BTC: variants seen among roughly 807,000 people sequenced by gnomAD.
The protein encoded by BTC is betacellulin, also known as probetacellulin.
A neutral mutation model predicts 18.1 loss-of-function variants in BTC; 13 were observed. The observed-to-expected ratio is 0.72, with a 90% confidence interval of 0.47 to 1.14. BTC has a LOEUF of 1.14. Ranked by LOEUF, BTC falls within the 50% of genes most tolerant of loss-of-function variation. The probability of loss-of-function intolerance (pLI) is 0.00; values close to 1 mark genes in which losing one functional copy is unlikely to be tolerated. For synonymous variants in BTC, 83 were observed against 79.4 expected, an observed-to-expected ratio of 1.05 and a Z score of -0.24; for missense variants, 247 against 224.2, an observed-to-expected ratio of 1.10 and a Z score of -0.65.
At chr4:74,773,731 C>A (rs1023042619) in intron 1 of BTC, among the ~76,000 whole-genome samples, 8 of 151,940 alleles carry the variant, frequency 5.3e-5, no homozygotes, top group African/African-American at 1.7e-4. Flanking sequence ...CATGCCTCAG[C>A]CACCCAAGTA....
At chr4:74,758,285 AAG>A (rs1724656731) in intron 2 of BTC, among the ~76,000 whole-genome samples, 1 of 152,236 alleles carries the variant, frequency 6.6e-6, no homozygotes, top group South Asian at 2.1e-4. Flanking sequence ...AACACAAAGC[AAG>A]AGAGAGCTGA....
intron 2 of BTC, among the ~76,000 whole-genome samples, chr4:74,759,470 G>T (rs782779414): frequency 3.9e-5 from 6 of 152,024 alleles, no homozygotes; most frequent in Non-Finnish European, 8.8e-5. Flanking sequence ...GGACCAGGCT[G>T]CAACACAATC....
At chr4:74,776,265 T>C (rs1406575112) in intron 1 of BTC, among the ~76,000 whole-genome samples, 1 of 152,168 alleles carries the variant, frequency 6.6e-6, no homozygotes, top group Non-Finnish European at 1.5e-5. Context: ...TATTTCACAA[T>C]CTGTTGTCTG....
chr4:74,763,844 A>G (rs1290392957), intron 2 of BTC, among the ~76,000 whole-genome samples: 2 of 152,162 alleles, frequency 1.3e-5, no homozygotes, highest in African/African-American at 4.8e-5. Context: ...TAACTAAAAG[A>G]GAAGATTTTG....
At chr4:74,763,729 G>A (rs1451436364) in intron 2 of BTC, among the ~76,000 whole-genome samples, 1 of 152,066 alleles carries the variant, frequency 6.6e-6, no homozygotes. Context: ...CCAGAGATTG[G>A]CTGAAGGATA....
intron 1 of BTC, among the ~76,000 whole-genome samples, chr4:74,778,269 C>A (rs548370181): frequency 6.6e-6 from 1 of 152,088 alleles, no homozygotes; most frequent in Non-Finnish European, 1.5e-5. Flanking sequence ...AATGTATTTG[C>A]TTTCAAAGCA....
intron 5 of BTC, among the ~76,000 whole-genome samples, chr4:74,747,706 A>T (rs925138523): frequency 6.6e-6 from 1 of 152,300 alleles, no homozygotes; most frequent in East Asian, 1.9e-4. Flanking sequence ...CAATATATGT[A>T]GTTATTATTG....
At chr4:74,775,204 T>C (rs1201712934) in intron 1 of BTC, among the ~76,000 whole-genome samples, 1 of 152,190 alleles carries the variant, frequency 6.6e-6, no homozygotes, top group Non-Finnish European at 1.5e-5. Context: ...CTGCAGGTTC[T>C]ATTTTGGGGA....
At chr4:74,752,589 C>A (rs900394164) in intron 3 of BTC, among the ~76,000 whole-genome samples, 1 of 151,784 alleles carries the variant, frequency 6.6e-6, no homozygotes, top group South Asian at 2.1e-4. Context: ...CCATGTTAGC[C>A]AGGATGGTCT....
intron 2 of BTC, among the ~76,000 whole-genome samples, chr4:74,761,866 A>C (rs1553957376): frequency 6.6e-6 from 1 of 152,132 alleles, no homozygotes; most frequent in African/African-American, 2.4e-5. Flanking sequence ...AACCAGAGTA[A>C]TGTCATTAAA....
At chr4:74,791,341 AAAAAAGAAAAAAGAAAAAG>A (rs1725620406) in intron 1 of BTC, among the ~76,000 whole-genome samples, 1 of 141,860 alleles carries the variant, frequency 7.0e-6, no homozygotes, top group African/African-American at 3.0e-5. Context: ...GACTGTCTCA[AAAAAAGAAAAAAGAAAAAG>A]AAAAAGAAAA....
At chr4:74,782,846 T>C (rs1389022221) in intron 1 of BTC, among the ~76,000 whole-genome samples, 1 of 152,222 alleles carries the variant, frequency 6.6e-6, no homozygotes, top group Admixed American at 6.5e-5. Flanking sequence ...ATTTCTCTAA[T>C]GATCGGTGAT....
rs533296969 is a variant in BTC, at chr4:74,785,905, G to A, written c.64+8357C>T. Among the ~76,000 whole-genome samples, 9 of 152,282 alleles carry A rather than the reference G, an allele frequency of 5.9e-5. No homozygotes were observed. The South Asian group carries it at 1.9e-3, about 32-fold the overall frequency. The stretch of plus-strand genomic sequence containing the variant: ...AACCTAGCTCCTGTGTTAGATGAAT[G>A]TTATGTAGATGAAATGAATTATTAT... On this transcript the variant is annotated intron_variant, in intron 1 of 5. Coordinates refer to ENST00000395743, the MANE Select transcript of BTC (RefSeq NM_001729.4).
Position 74,748,053 on chromosome 4 carries a change from T to C in BTC, c.525A>G (p.Thr175=). ...ITPINEDIEE[T]NIA is the part of the protein sequence containing the mutation. ...TATCTCACTTACTTTAAGCAATATTTGTCTCTTCAATATCTTCATTGATAG... is the reference window on the plus strand; with the variant it reads ...TATCTCACTTACTTTAAGCAATATTCGTCTCTTCAATATCTTCATTGATAG... Residue 175 remains threonine (T), a synonymous_variant, in exon 5 of 6, where the codon ACA becomes ACG. Coordinates refer to ENST00000395743, the MANE Select transcript of BTC (RefSeq NM_001729.4). 1 of 1,585,636 alleles carries C rather than the reference T, an allele frequency of 6.3e-7. No homozygotes were observed. Among genetic ancestry groups the C allele is most frequent in the Non-Finnish European group, 8.6e-7 (1 of 1,158,642 alleles).
intron 1 of BTC, among the ~76,000 whole-genome samples, chr4:74,792,281 T>C (rs1182839397): frequency 6.6e-6 from 1 of 152,246 alleles, no homozygotes; most frequent in Non-Finnish European, 1.5e-5. Context: ...ACAATAGCAC[T>C]GGATTCGAGT....
At chr4:74,769,833 C>T (rs910374976) in intron 2 of BTC, among the ~76,000 whole-genome samples, 1 of 151,986 alleles carries the variant, frequency 6.6e-6, no homozygotes, top group African/African-American at 2.4e-5. Flanking sequence ...GCTGTATGAC[C>T]TTTGGCAAGT....
chr4:74,792,136 A>C (rs948679599), intron 1 of BTC, among the ~76,000 whole-genome samples: 3 of 152,180 alleles, frequency 2.0e-5, no homozygotes, highest in African/African-American at 7.2e-5. Context: ...CACTTAATGG[A>C]AACAGCGATG....
intron 1 of BTC, among the ~76,000 whole-genome samples, chr4:74,774,705 G>A (rs1033165434): frequency 1.4e-5 from 2 of 143,386 alleles, no homozygotes; most frequent in Admixed American, 6.7e-5. Flanking sequence ...GGATTGTGAT[G>A]GAAGAGGAGG....
At chr4:74,773,154 C>T (rs1179180488) in intron 1 of BTC, among the ~76,000 whole-genome samples, 1 of 152,204 alleles carries the variant, frequency 6.6e-6, no homozygotes, top group African/African-American at 2.4e-5. Flanking sequence ...GAAGCATTTG[C>T]CTGGCCTGCA....
Sources: gnomAD v4.1 joint callset for allele counts (sites outside exome capture counted in the v4.1 genomes callset) on GRCh38, gnomAD v4.1.1 for gene constraint, MANE v1.5 for transcripts, NCBI Gene and HGNC (gene_info 2026-07-23, HGNC 2026-07-21) for gene names.